ZFHX3: variants seen among roughly 807,000 people sequenced by gnomAD.
ZFHX3 encodes the protein zinc finger homeobox 3.
ZFHX3 carries 42 observed loss-of-function variants against 279.1 expected under a neutral mutation model. That is an observed-to-expected ratio of 0.15 (90% CI 0.12 to 0.19). The LOEUF is 0.19. ZFHX3 is among the 10% of genes least tolerant of loss of function. The pLI is 1.00. For missense variants in ZFHX3, 4,981 were observed against 4,754.0 expected (o/e 1.05, Z -1.40); for synonymous variants, 2,293 against 1,957.8 (o/e 1.17, Z -4.52).
At chr16:72,812,565 C>T (rs1480460680) in intron 5 of ZFHX3, among the ~76,000 whole-genome samples, 5 of 152,186 alleles carry the variant, frequency 3.3e-5, no homozygotes, top group Non-Finnish European at 7.3e-5. Context: ...TGAGTATCAG[C>T]ACACCAAATA....
chr16:72,899,557 A>G (rs552623532), intron 3 of ZFHX3, among the ~76,000 whole-genome samples: 13 of 152,312 alleles, frequency 8.5e-5, no homozygotes, highest in African/African-American at 3.1e-4. Context: ...ACCGCCATAT[A>G]CACATTACTC....
chr16:73,858,245 C>G (rs565246501), intron 1 of ZFHX3, among the ~76,000 whole-genome samples: 1 of 152,222 alleles, frequency 6.6e-6, no homozygotes, highest in Admixed American at 6.5e-5. Context: ...ATCTAGTAAA[C>G]AGTGATATTA....
chr16:73,365,902 G>A (rs1341248670), intron 3 of ZFHX3, among the ~76,000 whole-genome samples: 3 of 152,184 alleles, frequency 2.0e-5, no homozygotes, highest in African/African-American at 7.2e-5. Context: ...CAACAGAGAT[G>A]TATCTACAAG....
At chr16:72,990,934 C>G (rs374365836) in intron 1 of ZFHX3, among the ~76,000 whole-genome samples, 7 of 151,654 alleles carry the variant, frequency 4.6e-5, no homozygotes, top group South Asian at 4.2e-4. Context: ...GAACCAAGAT[C>G]GCGTCACTGC....
chr16:73,319,118 G>A (rs1039330888), intron 3 of ZFHX3, among the ~76,000 whole-genome samples: 1 of 151,870 alleles, frequency 6.6e-6, no homozygotes, highest in Non-Finnish European at 1.5e-5. Context: ...GGAATGGGGG[G>A]GGCAGAGGAC....
intron 4 of ZFHX3, among the ~76,000 whole-genome samples, chr16:72,868,244 T>C (rs1246971227): frequency 2.0e-5 from 3 of 152,222 alleles, no homozygotes; most frequent in Non-Finnish European, 4.4e-5. Context: ...GTGGTTTTGA[T>C]GATAACATCA....
chr16:73,705,593 G>A (rs976139314), intron 1 of ZFHX3, among the ~76,000 whole-genome samples: 1 of 152,090 alleles, frequency 6.6e-6, no homozygotes, highest in African/African-American at 2.4e-5. Context: ...CTCACCTGGA[G>A]CAACTGAGTC....
chr16:73,712,950 G>C (rs1355641280), intron 1 of ZFHX3, among the ~76,000 whole-genome samples: 1 of 152,130 alleles, frequency 6.6e-6, no homozygotes, highest in Non-Finnish European at 1.5e-5. Context: ...TGCTGATGGG[G>C]GCTCCGCATT....
At chr16:73,053,289 G>A (rs1354714892) in intron 1 of ZFHX3, among the ~76,000 whole-genome samples, 1 of 152,176 alleles carries the variant, frequency 6.6e-6, no homozygotes, top group East Asian at 1.9e-4. Flanking sequence ...TTATATCTAC[G>A]AAAAGGCAGG....
chr16:73,383,378 C>T (rs2016847396), intron 3 of ZFHX3, among the ~76,000 whole-genome samples: 1 of 152,194 alleles, frequency 6.6e-6, no homozygotes, highest in Admixed American at 6.5e-5. Flanking sequence ...TGTAGAGCGG[C>T]ACTGGGCCTG....
At chr16:73,621,514 T>C (rs2052362288) in intron 2 of ZFHX3, among the ~76,000 whole-genome samples, 1 of 152,178 alleles carries the variant, frequency 6.6e-6, no homozygotes, top group East Asian at 1.9e-4. Flanking sequence ...TTAATCTAAA[T>C]GGTTGTGTTT....
chr16:72,832,745 C>T (rs559282107), intron 4 of ZFHX3, among the ~76,000 whole-genome samples: 29 of 152,294 alleles, frequency 1.9e-4, no homozygotes, highest in African/African-American at 6.5e-4. Flanking sequence ...TGTCGCCCTC[C>T]GCATGGCGAG....
At chr16:72,919,811 A>T (rs866457880) in intron 3 of ZFHX3, among the ~76,000 whole-genome samples, 978 of 15,474 alleles carry the variant, frequency 0.063, 9 homozygotes, top group South Asian at 0.082. Context: ...TTTTTTTTTG[A>T]GACAGAGTTC....
At chr16:73,403,143 G>C (rs984910785) in intron 3 of ZFHX3, among the ~76,000 whole-genome samples, 3 of 152,162 alleles carry the variant, frequency 2.0e-5, no homozygotes, top group Non-Finnish European at 4.4e-5. Context: ...GAGTAAGGAA[G>C]GGTGGAAAAA....
At chr16:72,888,321 C>A (rs1006314532) in intron 4 of ZFHX3, among the ~76,000 whole-genome samples, 6 of 152,202 alleles carry the variant, frequency 3.9e-5, no homozygotes, top group Non-Finnish European at 8.8e-5. Context: ...GGGTCTCTGG[C>A]TTGGCCAGGC....
intron 2 of ZFHX3, chr16:73,499,724 C>G (rs2019202244): frequency 6.6e-6 from 1 of 152,130 alleles, no homozygotes; most frequent in Non-Finnish European, 1.5e-5. Context: ...TGTCACAAAA[C>G]TCTACACTAA....
intron 3 of ZFHX3, among the ~76,000 whole-genome samples, chr16:72,949,328 T>A (rs1960859477): frequency 6.6e-6 from 1 of 152,112 alleles, no homozygotes; most frequent in South Asian, 2.1e-4. Context: ...GAGGAGAGGC[T>A]GATAATGGGA....
chr16:73,813,906 T>C (rs1003127812), intron 1 of ZFHX3: 5 of 152,232 alleles, frequency 3.3e-5, no homozygotes, highest in African/African-American at 7.2e-5. Flanking sequence ...TAATTTGTAA[T>C]ATTTGCTTAA....
intron 4 of ZFHX3, among the ~76,000 whole-genome samples, chr16:72,849,853 C>A: frequency 1.2e-5 from 1 of 85,182 alleles, no homozygotes; most frequent in Non-Finnish European, 2.1e-5. Context: ...ACTTGGAGTT[C>A]ACCTACCAAA....
Sources: allele counts gnomAD v4.1 joint callset (sites outside exome capture counted in the v4.1 genomes callset), GRCh38; gene constraint gnomAD v4.1.1; transcripts MANE v1.5; gene names NCBI Gene and HGNC (gene_info 2026-07-23, HGNC 2026-07-21).